MAST4: variants seen among roughly 807,000 people sequenced by gnomAD.
The protein encoded by MAST4 is microtubule associated serine/threonine kinase family member 4, also known as microtubule-associated serine/threonine-protein kinase 4.
Under a neutral mutation model 162.7 loss-of-function variants are expected in MAST4, and 89 were observed. The ratio of observed to expected loss-of-function variants is 0.55; its 90% confidence interval spans 0.46 to 0.65. The LOEUF (loss-of-function observed/expected upper bound fraction) is 0.65, where lower values mean the gene tolerates loss of function less well. MAST4 is among the 30% of genes least tolerant of loss of function. MAST4 has a pLI of 0.00. For synonymous variants in MAST4, 1,479 were observed against 1,361.1 expected (o/e 1.09, Z -1.91); for missense variants, 3,153 against 3,374.0 (o/e 0.93, Z 1.62).
chr5:66,898,487 T>C (rs1037515372), intron 3 of MAST4, among the ~76,000 whole-genome samples: 4 of 129,440 alleles, frequency 3.1e-5, no homozygotes, highest in Non-Finnish European at 7.5e-5. Context: ...TCAGAGACTT[T>C]TCTCTTGTCA....
intron 3 of MAST4, among the ~76,000 whole-genome samples, chr5:66,872,662 A>G (rs1761025009): frequency 6.6e-6 from 1 of 152,192 alleles, no homozygotes; most frequent in Non-Finnish European, 1.5e-5. Flanking sequence ...TACATGAAGG[A>G]AAAAATAGAC....
At chr5:67,076,419 TC>T (rs143645440) in intron 5 of MAST4, among the ~76,000 whole-genome samples, 2,949 of 152,324 alleles carry the variant, frequency 0.019, 102 homozygotes, top group African/African-American at 0.068. Context: ...AGTCTCTCCA[TC>T]TGATTGTGTC....
chr5:66,643,851 G>T (rs1403125005), intron 1 of MAST4, among the ~76,000 whole-genome samples: 1 of 149,414 alleles, frequency 6.7e-6, no homozygotes, highest in African/African-American at 2.5e-5. Flanking sequence ...GGGATTTATT[G>T]AGCAGGAAAG....
chr5:66,868,461 GTATA>G (rs966919816), intron 3 of MAST4, among the ~76,000 whole-genome samples: 1 of 142,016 alleles, frequency 7.0e-6, no homozygotes, highest in Non-Finnish European at 1.5e-5. Context: ...ATACGTATAT[GTATA>G]TATATACGCA....
chr5:67,063,673 T>C (rs1416524065), intron 5 of MAST4, among the ~76,000 whole-genome samples: 1 of 151,832 alleles, frequency 6.6e-6, no homozygotes. Context: ...CAGACACCCA[T>C]AGGGCAGGTT....
chr5:66,634,843 C>G (rs1580057775), intron 1 of MAST4, among the ~76,000 whole-genome samples: 1 of 152,232 alleles, frequency 6.6e-6, no homozygotes, highest in Non-Finnish European at 1.5e-5. Flanking sequence ...GCGGCCCAAC[C>G]AGGCCCAATA....
chr5:67,039,624 C>T (rs16896179), intron 4 of MAST4, among the ~76,000 whole-genome samples: 2,510 of 152,234 alleles, frequency 0.016, 80 homozygotes, highest in African/African-American at 0.058. Flanking sequence ...GTGTTCGTAC[C>T]TATAAGAGGC....
intron 4 of MAST4, among the ~76,000 whole-genome samples, chr5:66,907,253 C>T (rs1186017623): frequency 6.7e-6 from 1 of 148,318 alleles, no homozygotes; most frequent in Admixed American, 6.7e-5. Context: ...CCCAGGTCAC[C>T]ACACAGGAAC....
At chr5:67,161,531 A>G (rs1395892481) in intron 27 of MAST4, among the ~76,000 whole-genome samples, 2 of 152,238 alleles carry the variant, frequency 1.3e-5, no homozygotes, top group East Asian at 3.8e-4. Flanking sequence ...CATCTTTCAT[A>G]GTAGAAAATC....
intron 1 of MAST4, among the ~76,000 whole-genome samples, chr5:66,666,207 T>C (rs1344977815): frequency 6.6e-6 from 1 of 152,242 alleles, no homozygotes; most frequent in East Asian, 1.9e-4. Context: ...GTGCTTTTGA[T>C]TGAGCCTTTA....
chr5:66,845,044 G>A (rs1758714338), intron 3 of MAST4, among the ~76,000 whole-genome samples: 1 of 121,948 alleles, frequency 8.2e-6, no homozygotes. Context: ...GAAGAAAGGA[G>A]GACCTGGAAA....
chr5:67,160,654 C>A (rs1305864390), intron 27 of MAST4, 62 bp downstream of exon 27: 2 of 1,536,530 alleles, frequency 1.3e-6, no homozygotes, highest in Non-Finnish European at 1.8e-6. Flanking sequence ...AAAGTTACCC[C>A]TTAATTAAAT....
At chr5:66,691,710 A>G (rs1176250947) in intron 1 of MAST4, among the ~76,000 whole-genome samples, 2 of 152,090 alleles carry the variant, frequency 1.3e-5, no homozygotes, top group African/African-American at 2.4e-5. Flanking sequence ...GATAGCTTTT[A>G]TAAGGGCATT....
chr5:67,104,934 A>G (rs761966924), intron 10 of MAST4, among the ~76,000 whole-genome samples: 4 of 152,210 alleles, frequency 2.6e-5, no homozygotes, highest in East Asian at 3.8e-4. Context: ...ATCTAGTTCT[A>G]TATCTGAAAA....
intron 4 of MAST4, among the ~76,000 whole-genome samples, chr5:66,921,862 T>C (rs1330561635): frequency 1.3e-5 from 2 of 152,240 alleles, no homozygotes; most frequent in East Asian, 3.8e-4. Context: ...TAACTTCATG[T>C]AACGTTCTAA....
intron 5 of MAST4, among the ~76,000 whole-genome samples, chr5:67,056,760 G>C (rs1043847043): frequency 2.6e-5 from 4 of 152,112 alleles, no homozygotes; most frequent in Non-Finnish European, 4.4e-5. Flanking sequence ...GCAGAGGCAC[G>C]ATCTCAGCTA....
intron 25 of MAST4, 111 bp from the exon 26 acceptor site, chr5:67,153,347 A>G (rs1322167656): frequency 2.6e-6 from 3 of 1,132,166 alleles, no homozygotes; most frequent in African/African-American, 1.6e-5. Flanking sequence ...TAGATTTTCT[A>G]TTAGAGGCTT....
At chr5:66,741,590 C>G (rs887637512) in intron 1 of MAST4, among the ~76,000 whole-genome samples, 2 of 152,088 alleles carry the variant, frequency 1.3e-5, no homozygotes, top group African/African-American at 2.4e-5. Context: ...CCTGGAATGT[C>G]AATAACAGTG....
intron 1 of MAST4, among the ~76,000 whole-genome samples, chr5:66,681,877 G>A (rs1180493717): frequency 6.6e-6 from 1 of 152,136 alleles, no homozygotes; most frequent in Non-Finnish European, 1.5e-5. Flanking sequence ...GGGGCATTGG[G>A]CTCCCCTAGG....
Sources: gnomAD v4.1 joint callset for allele counts (sites outside exome capture counted in the v4.1 genomes callset) on GRCh38, gnomAD v4.1.1 for gene constraint, MANE v1.5 for transcripts, NCBI Gene and HGNC (gene_info 2026-07-23, HGNC 2026-07-21) for gene names.